Variants in ARHGAP44 observed in about 807,000 individuals in gnomAD.
ARHGAP44 encodes rho GTPase-activating protein 44.
In ARHGAP44, 43 loss-of-function variants were observed where a neutral mutation model predicts 106.8. The observed-to-expected ratio is 0.40, with a 90% CI of 0.32 to 0.52. The LOEUF (loss-of-function observed/expected upper bound fraction) is 0.52. ARHGAP44 is among the 20% of genes least tolerant of loss of function. ARHGAP44 has a pLI of 0.48. For synonymous variants in ARHGAP44, 439 were observed against 410.3 expected (o/e 1.07, Z -0.85); for missense variants, 866 against 1,050.5 (o/e 0.82, Z 2.43).
intron 1 of ARHGAP44, among the ~76,000 whole-genome samples, chr17:12,798,323 A>G (rs953785825): frequency 6.6e-6 from 1 of 152,154 alleles, no homozygotes; most frequent in Non-Finnish European, 1.5e-5. Context: ...TTGTTTTTTA[A>G]TTATGTTACA....
chr17:12,957,154 C>T (rs532309804), intron 15 of ARHGAP44, among the ~76,000 whole-genome samples: 1 of 152,264 alleles, frequency 6.6e-6, no homozygotes, highest in East Asian at 1.9e-4. Flanking sequence ...GACGGGGTTT[C>T]TCCATGTCGC....
intron 1 of ARHGAP44, among the ~76,000 whole-genome samples, chr17:12,841,807 A>G (rs915960677): frequency 9.9e-5 from 15 of 152,146 alleles, no homozygotes; most frequent in Admixed American, 6.5e-4. Flanking sequence ...ATTTGTTTGT[A>G]GGTATGAAGC....
chr17:12,915,520 T>G (rs1419606756), intron 4 of ARHGAP44, among the ~76,000 whole-genome samples: 1 of 152,238 alleles, frequency 6.6e-6, no homozygotes, highest in African/African-American at 2.4e-5. Flanking sequence ...TTTCTTTCTA[T>G]CAGGACCTAT....
intron 7 of ARHGAP44, among the ~76,000 whole-genome samples, chr17:12,933,410 A>G (rs752889644): frequency 9.9e-5 from 15 of 152,208 alleles, no homozygotes; most frequent in African/African-American, 1.4e-4. Flanking sequence ...GATGTGTTCC[A>G]TAAGACAAAA....
intron 3 of ARHGAP44, among the ~76,000 whole-genome samples, chr17:12,902,072 G>A (rs1032855198): frequency 2.6e-4 from 39 of 152,172 alleles, no homozygotes; most frequent in African/African-American, 8.7e-4. Context: ...TGGAAATCCA[G>A]TAACTCACTC....
chr17:12,828,583 A>T (rs1435283709), intron 1 of ARHGAP44, among the ~76,000 whole-genome samples: 2 of 150,856 alleles, frequency 1.3e-5, no homozygotes, highest in Admixed American at 1.3e-4. Context: ...TATTTTAAAA[A>T]TATAAAGTTG....
chr17:12,952,720 CTCTTTTTTTTTTTT>C, intron 13 of ARHGAP44, 139 bp downstream of exon 13: 1 of 331,174 alleles, frequency 3.0e-6, no homozygotes, highest in Non-Finnish European at 5.4e-6. Context: ...CATGCATGGT[CTCTTTTTTTTTTTT>C]TTTTTTTTTT....
intron 1 of ARHGAP44, among the ~76,000 whole-genome samples, chr17:12,814,829 T>G (rs2034550767): frequency 1.3e-5 from 2 of 152,128 alleles, no homozygotes; most frequent in Admixed American, 1.3e-4. Context: ...TACTTTTGAT[T>G]TATCTTTCTG....
rs200665359 is a variant in ARHGAP44 at position 12,822,518 on chromosome 17, ATAAG to A, written c.53+32632_53+32635del. Among the ~76,000 whole-genome samples the A allele has an allele frequency of 4.6e-3, 694 of 152,290 alleles. 7 individuals are homozygous for A. The highest frequency in any genetic ancestry group is 0.016 in the African/African-American group (670 of 41,562). On this transcript the variant is annotated intron_variant, in intron 1 of 20. Coordinates refer to ENST00000379672, the MANE Select transcript of ARHGAP44 (RefSeq NM_014859.6). ...TTCAATGCCAAGAGGTCTATGAAGCATAAGTAAGGCCATACTCTATTTAATAAAG... is the reference window on the plus strand; with the variant it reads ...TTCAATGCCAAGAGGTCTATGAAGCATAAGGCCATACTCTATTTAATAAAG...
At chr17:12,894,903 GTT>G (rs1236905195) in intron 1 of ARHGAP44, 35 bp from the exon 2 acceptor site, 7 of 1,557,682 alleles carry the variant, frequency 4.5e-6, no homozygotes, top group African/African-American at 1.4e-5. Context: ...TCTGTTGTTA[GTT>G]TTGTTACTGA....
intron 7 of ARHGAP44, among the ~76,000 whole-genome samples, chr17:12,939,972 G>C (rs2038662045): frequency 6.6e-6 from 1 of 152,158 alleles, no homozygotes; most frequent in Admixed American, 6.5e-5. Flanking sequence ...GAAACATATT[G>C]CTCCTGCAAA....
At chr17:12,851,251 C>T (rs571877365) in intron 1 of ARHGAP44, among the ~76,000 whole-genome samples, 4 of 152,304 alleles carry the variant, frequency 2.6e-5, no homozygotes, top group South Asian at 2.1e-4. Flanking sequence ...AGTCTCTGTC[C>T]GTTGGAATTA....
intron 8 of ARHGAP44, 140 bp downstream of exon 8, chr17:12,941,264 T>C (rs1198098783): frequency 8.5e-6 from 6 of 701,780 alleles, no homozygotes; most frequent in Non-Finnish European, 1.4e-5. Context: ...AAATAAATCC[T>C]GCCATGCTCC....
chr17:12,891,473 G>A (rs189359703), intron 1 of ARHGAP44, among the ~76,000 whole-genome samples: 1 of 152,122 alleles, frequency 6.6e-6, no homozygotes, highest in African/African-American at 2.4e-5. Flanking sequence ...GGGAGCTCAC[G>A]TTGTCCTTTT....
At chr17:12,912,174 G>A (rs28744602) in intron 4 of ARHGAP44, among the ~76,000 whole-genome samples, 21,800 of 152,152 alleles carry the variant, frequency 0.14, 2,420 homozygotes, top group East Asian at 0.38. Context: ...ACAATCACTT[G>A]TGTTTTCAAA....
intron 1 of ARHGAP44, among the ~76,000 whole-genome samples, chr17:12,868,144 G>A (rs1310884529): frequency 6.6e-6 from 1 of 152,154 alleles, no homozygotes; most frequent in East Asian, 1.9e-4. Flanking sequence ...CCATGAAAGA[G>A]GTGTCGGAGG....
chr17:12,913,968 C>T lies in ARHGAP44; in HGVS notation c.276-1932C>T, dbSNP rs1209716802. Reference sequence around the variant, plus strand: ...TGGGTGATAGAGTGAGATTTTGTCTCAAAAAAAAAAAAAAAAAAAAAAGGC... The same window carrying T: ...TGGGTGATAGAGTGAGATTTTGTCTTAAAAAAAAAAAAAAAAAAAAAAGGC... On this transcript the variant is annotated intron_variant, in intron 4 of 20. Coordinates refer to ENST00000379672, the MANE Select transcript of ARHGAP44 (RefSeq NM_014859.6). Among the ~76,000 whole-genome samples the T allele has an allele frequency of 5.0e-3, 316 of 63,482 alleles. 2 individuals are homozygous for T. The highest frequency in any genetic ancestry group is 0.033 in the Middle Eastern group (2 of 60). The allele number at this position is 63,482 out of a possible 152,430, so 41.6% of individuals were successfully genotyped here. A position where few individuals can be genotyped will look rare whatever the true frequency, so the allele number is the denominator to read the frequency against.
chr17:12,909,457 CAG>C (rs1385568530), intron 4 of ARHGAP44, among the ~76,000 whole-genome samples: 1 of 151,900 alleles, frequency 6.6e-6, no homozygotes, highest in Non-Finnish European at 1.5e-5. Flanking sequence ...AATTAAAAAA[CAG>C]AATCCTTGAC....
At chr17:12,879,677 G>T (rs894248993) in intron 1 of ARHGAP44, among the ~76,000 whole-genome samples, 6 of 131,072 alleles carry the variant, frequency 4.6e-5, no homozygotes, top group Non-Finnish European at 6.6e-5. Context: ...ATATGTGTGT[G>T]TATGTGTATA....
Sources: gnomAD v4.1 joint callset for allele counts (sites outside exome capture counted in the v4.1 genomes callset) on GRCh38, gnomAD v4.1.1 for gene constraint, MANE v1.5 for transcripts, NCBI Gene and HGNC (gene_info 2026-07-23, HGNC 2026-07-21) for gene names.